ZBBX: variants seen among roughly 807,000 people sequenced by gnomAD.
The protein encoded by ZBBX is zinc finger B-box domain containing.
ZBBX carries 101 observed loss-of-function variants against 108.5 expected under a neutral mutation model. That is an observed-to-expected ratio of 0.93 (90% CI 0.79 to 1.10). The LOEUF (loss-of-function observed/expected upper bound fraction) is 1.10, where lower values mean the gene tolerates loss of function less well. Among genes scored for constraint, ZBBX ranks in the 50% least tolerant of loss-of-function variants. ZBBX has a pLI of 0.00. For missense variants in ZBBX, 1,009 were observed against 941.4 expected (o/e 1.07, Z -0.94); for synonymous variants, 356 against 323.4 (o/e 1.10, Z -1.08).
In ZBBX at chr3:167,327,933, A is replaced by AAAAAAT; in HGVS notation, c.862+8_862+9insATTTTT. Reference sequence around the variant, plus strand: ...TGTCTCAAAAAAAAAAAAAAAAAAAAAGCCATACCTTTTACTGCTGCATGT... The same window carrying AAAAAAT: ...TGTCTCAAAAAAAAAAAAAAAAAAAAAAAAATAGCCATACCTTTTACTGCTGCATGT... On this transcript the variant is annotated intron_variant, in intron 11 of 21. Coordinates refer to ENST00000675490, the MANE Select transcript of ZBBX (RefSeq NM_001199201.2). 6.4e-7 allele frequency: 1 copy of AAAAAAT among 1,564,900 alleles called. No homozygotes were observed. Among genetic ancestry groups the AAAAAAT allele is most frequent in the South Asian group, 1.2e-5 (1 of 83,046 alleles).
the ZBBX span, among the ~76,000 whole-genome samples, chr3:167,200,805 T>C: frequency 6.6e-6 from 1 of 152,162 alleles, no homozygotes; most frequent in Non-Finnish European, 1.5e-5. Flanking sequence ...AGACAAAGTA[T>C]GTGCCATCAA....
At chr3:167,349,413 T>C (rs1210002908) in intron 9 of ZBBX, among the ~76,000 whole-genome samples, 1 of 152,052 alleles carries the variant, frequency 6.6e-6, no homozygotes, top group Non-Finnish European at 1.5e-5. Flanking sequence ...TTTTTGTTTT[T>C]TTCTCCCTGC....
At chr3:167,342,463 G>A (rs1740695372) in intron 9 of ZBBX, among the ~76,000 whole-genome samples, 1 of 151,382 alleles carries the variant, frequency 6.6e-6, no homozygotes, top group Non-Finnish European at 1.5e-5. Context: ...TTTACTGTAT[G>A]GGTTTTTAAA....
At chr3:167,227,922 T>C in the ZBBX span, among the ~76,000 whole-genome samples, 1 of 151,662 alleles carries the variant, frequency 6.6e-6, no homozygotes, top group Non-Finnish European at 1.5e-5. Flanking sequence ...CAGTGTGTTG[T>C]CTGTAAGGCT....
At chr3:167,191,934 T>TATAGAGAGAGAGAGAGAG in the ZBBX span, among the ~76,000 whole-genome samples, 34 of 130,220 alleles carry the variant, frequency 2.6e-4, 1 homozygote, top group African/African-American at 9.7e-4. Flanking sequence ...TATATATATA[T>TATAGAGAGAGAGAGAGAG]AGAGCAAGTT....
At chr3:167,378,053 G>A (rs931970831) in intron 2 of ZBBX, among the ~76,000 whole-genome samples, 11 of 152,164 alleles carry the variant, frequency 7.2e-5, no homozygotes, top group Non-Finnish European at 1.6e-4. Flanking sequence ...AGAAGGATGT[G>A]TTTGCTTTCC....
At chr3:167,381,810 G>A (rs750880716), upstream of ZBBX, among the ~76,000 whole-genome samples, 2 of 152,114 alleles carry the variant, frequency 1.3e-5, no homozygotes, top group African/African-American at 2.4e-5. Context: ...TATTTTAACA[G>A]GAGCAGAAAG....
chr3:167,371,020 T>G (rs746612598), intron 4 of ZBBX, among the ~76,000 whole-genome samples: 20 of 152,092 alleles, frequency 1.3e-4, no homozygotes, highest in Non-Finnish European at 2.6e-4. Flanking sequence ...AACACCAGAA[T>G]GTCAGACAAT....
rs554713378 is a variant in ZBBX, at chr3:167,240,564, T to C, written c.*229A>G. ...CAGTTATTTCTTCAAATTCACCATA[T>C]TTTACTAACATAATCTGCAATATAG... is the stretch of plus-strand genomic sequence containing the variant. On this transcript the variant is annotated 3_prime_UTR_variant, in exon 22 of 22. Transcript: ENST00000675490. The C allele has an allele frequency of 3.0e-6, 1 of 335,792 alleles. No individual in the cohort carries two copies. Among genetic ancestry groups the C allele is most frequent in the South Asian group, 4.8e-5 (1 of 20,766 alleles). The allele number at this position is 335,792 out of a possible 1,614,324, so 20.8% of individuals were successfully genotyped here.
intron 11 of ZBBX, among the ~76,000 whole-genome samples, chr3:167,323,350 T>C (rs1486331282): frequency 6.6e-6 from 1 of 151,316 alleles, no homozygotes; most frequent in African/African-American, 2.4e-5. Flanking sequence ...AGGAAGAAGA[T>C]AAAGCAGCTG....
chr3:167,235,428 T>A (rs1720193192), downstream of ZBBX, among the ~76,000 whole-genome samples: 1 of 151,596 alleles, frequency 6.6e-6, no homozygotes, highest in Admixed American at 6.6e-5. Flanking sequence ...TTTAATTAAT[T>A]ATAAAATATG....
At chr3:167,284,131 T>G (rs978968760) in intron 19 of ZBBX, among the ~76,000 whole-genome samples, 5 of 151,502 alleles carry the variant, frequency 3.3e-5, no homozygotes, top group Admixed American at 2.6e-4. Flanking sequence ...TGTGTCTATT[T>G]GTGCTCAGAT....
the ZBBX span, among the ~76,000 whole-genome samples, chr3:167,217,272 G>A: frequency 6.6e-6 from 1 of 151,378 alleles, no homozygotes. Flanking sequence ...AAATTTAAAA[G>A]AGTAAAACAA....
chr3:167,178,624 C>T, the ZBBX span, among the ~76,000 whole-genome samples: 8 of 152,114 alleles, frequency 5.3e-5, no homozygotes, highest in Admixed American at 2.0e-4. Flanking sequence ...GATGTCTCAA[C>T]GGCACCCAAA....
At chr3:167,189,889 G>C in the ZBBX span, among the ~76,000 whole-genome samples, 1 of 152,128 alleles carries the variant, frequency 6.6e-6, no homozygotes, top group Middle Eastern at 3.2e-3. Flanking sequence ...TTCCACCATT[G>C]CAGCAGACAG....
chr3:167,395,034 T>TTAA (rs1482491971), intron 1 of ZBBX, among the ~76,000 whole-genome samples: 1 of 152,000 alleles, frequency 6.6e-6, no homozygotes, highest in Non-Finnish European at 1.5e-5. Context: ...GGTTCAAGCA[T>TTAA]CCCAATTAAC....
intron 12 of ZBBX, 77 bp from the exon 13 acceptor site, chr3:167,317,674 T>A (rs1198553204): frequency 2.2e-6 from 2 of 905,834 alleles, no homozygotes; most frequent in East Asian, 2.6e-5. Flanking sequence ...CTTGATTTAT[T>A]TATCAAATGA....
intron 20 of ZBBX, among the ~76,000 whole-genome samples, chr3:167,274,195 TA>T (rs1329696825): frequency 3.9e-5 from 6 of 152,190 alleles, no homozygotes; most frequent in African/African-American, 1.4e-4. Context: ...ATGAACTAGC[TA>T]AAAATTCTGG....
At chr3:167,217,049 G>A in the ZBBX span, among the ~76,000 whole-genome samples, 2 of 152,046 alleles carry the variant, frequency 1.3e-5, no homozygotes, top group East Asian at 3.9e-4. Context: ...CACAATCCTG[G>A]ACCTAAGAAT....
Sources: gnomAD v4.1 joint callset for allele counts (sites outside exome capture counted in the v4.1 genomes callset) on GRCh38, gnomAD v4.1.1 for gene constraint, MANE v1.5 for transcripts, NCBI Gene and HGNC (gene_info 2026-07-23, HGNC 2026-07-21) for gene names.